The following GALNT16 variants were observed in gnomAD, a reference collection of about 807,000 sequenced individuals.
The protein encoded by GALNT16 is polypeptide N-acetylgalactosaminyltransferase 16, also known as UDP-GalNAc:polypeptide N-acetylgalactosaminyltransferase-like protein 1.
In GALNT16, 40 loss-of-function variants were observed where a neutral mutation model predicts 76.1. That is an observed-to-expected ratio of 0.53 (90% CI 0.41 to 0.68). The LOEUF (loss-of-function observed/expected upper bound fraction) is 0.68. GALNT16 is among the 30% of genes least tolerant of loss of function. GALNT16 has a pLI of 0.00. For synonymous variants in GALNT16, 276 were observed against 285.2 expected (o/e 0.97, Z 0.32); for missense variants, 621 against 731.9 (o/e 0.85, Z 1.75).
rs373282819 is a variant in GALNT16, at chr14:69,352,216, G to A, written c.*48G>A. 3.9e-5 allele frequency: 60 copies of A among 1,536,634 alleles called. No individual in the cohort carries two copies. In the African/African-American group the frequency reaches 4.8e-4, roughly 12 times the overall value. ...ACCTTTTGCATGAGACTTCGGGACCGGAAGGGGGTTAGGGTGGGGGAGTGC... is the reference window on the plus strand; with the variant it reads ...ACCTTTTGCATGAGACTTCGGGACCAGAAGGGGGTTAGGGTGGGGGAGTGC... On this transcript the variant is annotated 3_prime_UTR_variant, in exon 15 of 15. Transcript: ENST00000448469.
intron 1 of GALNT16, among the ~76,000 whole-genome samples, chr14:69,314,494 C>T (rs536659726): frequency 1.3e-5 from 2 of 152,346 alleles, no homozygotes; most frequent in East Asian, 3.9e-4. Context: ...TCCACTCAGG[C>T]CTCCCCTGTA....
intron 1 of GALNT16, among the ~76,000 whole-genome samples, chr14:69,265,178 G>A (rs537490866): frequency 7.3e-5 from 11 of 151,582 alleles, no homozygotes; most frequent in South Asian, 4.2e-4. Flanking sequence ...GGGCCATTTC[G>A]AGACCTGCCT....
chr14:69,341,764 C>A lies in GALNT16; in HGVS notation c.1271C>A (p.Thr424Lys), dbSNP rs371239911. ...WYLENVYPEL[T>K]VPVKEALPGI... ...CTGGAGAACGTCTACCCAGAGCTCACGTGAGTGCAGCCCTCATCTTGTGCA... is the reference window on the plus strand; with the variant it reads ...CTGGAGAACGTCTACCCAGAGCTCAAGTGAGTGCAGCCCTCATCTTGTGCA... Residue 424 changes from threonine (T) to lysine (K), a missense_variant and splice_region_variant, in exon 12 of 15, where the codon ACG becomes AAG. Transcript: ENST00000448469. 28 of 1,607,702 alleles carry A rather than the reference C, an allele frequency of 1.7e-5. No individual in the cohort carries two copies. In the Middle Eastern group the frequency reaches 6.6e-4, roughly 38 times the overall value.
chr14:69,369,267 G>A, the GALNT16 span, among the ~76,000 whole-genome samples: 1 of 152,168 alleles, frequency 6.6e-6, no homozygotes, highest in East Asian at 1.9e-4. Context: ...TATATCCCCA[G>A]ATGTTAACAT....
chr14:69,367,346 G>A, the GALNT16 span, among the ~76,000 whole-genome samples: 8 of 152,026 alleles, frequency 5.3e-5, no homozygotes, highest in South Asian at 4.2e-4. Context: ...TGATTAAGTC[G>A]TGAGGGTGGC....
intron 5 of GALNT16, among the ~76,000 whole-genome samples, chr14:69,326,955 G>C (rs1384615244): frequency 6.6e-6 from 1 of 152,224 alleles, no homozygotes; most frequent in East Asian, 1.9e-4. Flanking sequence ...GGCCTGGTCA[G>C]CATGGGGAAT....
chr14:69,380,296 C>T, the GALNT16 span: 1 of 380,114 alleles, frequency 2.6e-6, no homozygotes, highest in African/African-American at 2.1e-5. Context: ...CGAAGAACAA[C>T]TTCCATCTAA....
At chr14:69,294,626 G>A (rs2044730267) in intron 1 of GALNT16, among the ~76,000 whole-genome samples, 1 of 152,048 alleles carries the variant, frequency 6.6e-6, no homozygotes, top group Non-Finnish European at 1.5e-5. Context: ...CCCAGCCCTA[G>A]GGAACCACTA....
At chr14:69,380,647 A>G in the GALNT16 span, 2 of 1,559,716 alleles carry the variant, frequency 1.3e-6, no homozygotes, top group Admixed American at 3.4e-5. Flanking sequence ...GTAACTGAGG[A>G]GAGAAAGGGA....
At position 69,352,397 on chromosome 14, in the gene GALNT16, G is replaced by T; in HGVS notation, c.*229G>T. 1.9e-6 allele frequency: 1 copy of T among 536,462 alleles called. No individual in the cohort carries two copies. Among genetic ancestry groups the T allele is most frequent in the Admixed American group, 3.6e-5 (1 of 27,828 alleles). 33.2% of individuals were successfully genotyped at this position (536,462 alleles called of 1,614,324 possible). ...TGGCCTTGCCCCGGGAGAGGAGATG[G>T]TCAGGGTGCTGGACTGTTGCTGGGT... On this transcript the variant is annotated 3_prime_UTR_variant, in exon 15 of 15. Coordinates refer to ENST00000448469, the MANE Select transcript of GALNT16 (RefSeq NM_001168368.2).
chr14:69,321,099 T>C (rs2045174732), intron 2 of GALNT16, among the ~76,000 whole-genome samples: 1 of 152,184 alleles, frequency 6.6e-6, no homozygotes, highest in Non-Finnish European at 1.5e-5. Flanking sequence ...CCCAAGGCAC[T>C]TCAGTCTGGC....
chr14:69,310,157 G>A (rs2044996201), intron 1 of GALNT16, among the ~76,000 whole-genome samples: 1 of 151,874 alleles, frequency 6.6e-6, no homozygotes, highest in South Asian at 2.1e-4. Flanking sequence ...TAAGACTACA[G>A]GTACTACTAG....
intron 9 of GALNT16, among the ~76,000 whole-genome samples, chr14:69,334,717 C>T (rs1316262209): frequency 6.6e-6 from 1 of 152,152 alleles, no homozygotes; most frequent in Non-Finnish European, 1.5e-5. Flanking sequence ...AGTGTCAGGG[C>T]TAAACACTCA....
At chr14:69,376,121 C>T in the GALNT16 span, among the ~76,000 whole-genome samples, 1 of 145,710 alleles carries the variant, frequency 6.9e-6, no homozygotes, top group South Asian at 2.2e-4. Flanking sequence ...ACTGCAGCCT[C>T]CAACTCTTGG....
the GALNT16 span, among the ~76,000 whole-genome samples, chr14:69,367,726 T>C: frequency 7.5e-6 from 1 of 132,696 alleles, no homozygotes; most frequent in Non-Finnish European, 1.6e-5. Flanking sequence ...CTTATAATCC[T>C]AGCGCTTTGG....
At chr14:69,369,431 C>T in the GALNT16 span, among the ~76,000 whole-genome samples, 1 of 152,332 alleles carries the variant, frequency 6.6e-6, no homozygotes, top group East Asian at 1.9e-4. Flanking sequence ...TGTACCCAGA[C>T]CTCAGCCGTG....
chr14:69,296,810 T>C (rs61980319), intron 1 of GALNT16, among the ~76,000 whole-genome samples: 2,927 of 34,354 alleles, frequency 0.085, 42 homozygotes, highest in East Asian at 0.49. Context: ...TAGAGCTAGA[T>C]AGATAGATAG....
rs2045657010 is a variant in GALNT16, at chr14:69,352,953, T to C, written c.*785T>C. Among the ~76,000 whole-genome samples the C allele has an allele frequency of 6.6e-6, 1 of 152,138 alleles. No homozygotes were observed. Among genetic ancestry groups the C allele is most frequent in the Non-Finnish European group, 1.5e-5 (1 of 68,034 alleles). On this transcript the variant is annotated 3_prime_UTR_variant, in exon 15 of 15. Coordinates refer to ENST00000448469, the MANE Select transcript of GALNT16 (RefSeq NM_001168368.2). The stretch of plus-strand genomic sequence containing the variant: ...TAGCAAGAGGCTGCAGAGGGATCTT[T>C]AGGGGAAGATTCGGGCGTAGTTTAT...
At chr14:69,291,377 G>A (rs1209226279) in intron 1 of GALNT16, among the ~76,000 whole-genome samples, 1 of 152,118 alleles carries the variant, frequency 6.6e-6, no homozygotes, top group African/African-American at 2.4e-5. Flanking sequence ...CCCCTCCCCG[G>A]CTTATTAGAT....
Sources: allele counts gnomAD v4.1 joint callset (sites outside exome capture counted in the v4.1 genomes callset), GRCh38; gene constraint gnomAD v4.1.1; transcripts MANE v1.5; gene names NCBI Gene and HGNC (gene_info 2026-07-23, HGNC 2026-07-21).